Variants in NAPB observed in about 807,000 individuals in gnomAD.
NAPB encodes the protein NSF attachment protein beta.
Under a neutral mutation model 44.7 loss-of-function variants are expected in NAPB, and 26 were observed. The ratio of observed to expected loss-of-function variants is 0.58; its 90% CI spans 0.43 to 0.81. The LOEUF is 0.81. Ranked by LOEUF, NAPB falls within the 30% of genes least tolerant of loss-of-function variation. The pLI is 0.00. For synonymous variants in NAPB, 120 were observed against 116.8 expected, an observed-to-expected ratio of 1.03 and a Z score of -0.18; for missense variants, 315 against 356.4, an observed-to-expected ratio of 0.88 and a Z score of 0.94.
At chr20:23,397,822 G>A (rs2281433) in intron 2 of NAPB, among the ~76,000 whole-genome samples, 5,652 of 152,274 alleles carry the variant, frequency 0.037, 179 homozygotes, top group South Asian at 0.085. Context: ...AAATTTCCCT[G>A]CAGAATCACT....
intron 1 of NAPB, among the ~76,000 whole-genome samples, chr20:23,420,859 T>C (rs1305812153): frequency 6.7e-6 from 1 of 149,836 alleles, no homozygotes; most frequent in Admixed American, 6.6e-5. Context: ...TGGGGAGCTC[T>C]GGGGGTCCTA....
chr20:23,420,519 C>T (rs1160444940), intron 1 of NAPB, among the ~76,000 whole-genome samples: 3 of 152,060 alleles, frequency 2.0e-5, no homozygotes, highest in Non-Finnish European at 4.4e-5. Flanking sequence ...GGCGGGACGC[C>T]CCCAGGTGCG....
intron 1 of NAPB, among the ~76,000 whole-genome samples, chr20:23,418,400 G>A (rs1226573888): frequency 6.6e-6 from 1 of 152,122 alleles, no homozygotes; most frequent in East Asian, 1.9e-4. Flanking sequence ...CCATCTATAA[G>A]GTAGGATTCT....
At chr20:23,393,903 A>C (rs1029444981) in intron 5 of NAPB, among the ~76,000 whole-genome samples, 1 of 152,224 alleles carries the variant, frequency 6.6e-6, no homozygotes, top group African/African-American at 2.4e-5. Flanking sequence ...GAAATCGTGG[A>C]TACAAAGGTC....
intron 4 of NAPB, 37 bp from the exon 5 acceptor site, chr20:23,395,036 T>C (rs1447297518): frequency 1.9e-6 from 3 of 1,613,278 alleles, no homozygotes; most frequent in Non-Finnish European, 1.7e-6. Flanking sequence ...CACACCGATT[T>C]TACCTATCTG....
In NAPB at chr20:23,398,820, G is replaced by C. The variant is rs530564419; in HGVS notation, c.179-1632C>G. Reference sequence around the variant, plus strand: ...GACTGTGTCACTGCACTCCAGCCTGGGTGACAGAGCAAGACTCTTGTCTCA... The same window carrying C: ...GACTGTGTCACTGCACTCCAGCCTGCGTGACAGAGCAAGACTCTTGTCTCA... On this transcript the variant is annotated intron_variant, in intron 2 of 10. Transcript: ENST00000377026. 2.0e-5 allele frequency among the ~76,000 whole-genome samples: 3 copies of C among 150,962 alleles called. No individual in the cohort carries two copies. The South Asian group carries it at 6.3e-4, about 32-fold the overall frequency.
At position 23,421,479 on chromosome 20, in the gene NAPB, C is replaced by G; in HGVS notation, c.-77G>C. On this transcript the variant is annotated 5_prime_UTR_variant, in exon 1 of 11. Transcript: ENST00000377026. ...GGCGCCTTAACCCTCCCTCTGGCGG[C>G]CGCAGGGACGCAGGCGCAGGCGCGA... The G allele has an allele frequency of 7.4e-7, 1 of 1,343,364 alleles. No individual in the cohort carries two copies. The highest frequency in any genetic ancestry group is 2.5e-4 in the Middle Eastern group (1 of 3,932). 83.2% of individuals were successfully genotyped at this position (1,343,364 alleles called of 1,614,324 possible).
chr20:23,383,128 G>A (rs111505155), intron 7 of NAPB, among the ~76,000 whole-genome samples: 11,097 of 139,164 alleles, frequency 0.08, 1,014 homozygotes, highest in African/African-American at 0.23. Context: ...AAACTGGCAC[G>A]CCTGGGCGAC....
intron 7 of NAPB, among the ~76,000 whole-genome samples, chr20:23,383,538 T>C (rs186132429): frequency 1.3e-5 from 2 of 152,126 alleles, no homozygotes; most frequent in Non-Finnish European, 2.9e-5. Context: ...AGCCATAAAG[T>C]GCACATTTTT....
intron 1 of NAPB, among the ~76,000 whole-genome samples, chr20:23,420,398 A>C (rs1986299044): frequency 6.6e-6 from 1 of 151,962 alleles, no homozygotes; most frequent in Non-Finnish European, 1.5e-5. Context: ...TTCATTAGTC[A>C]AGTATTTACT....
chr20:23,408,968 C>G (rs919178791), intron 1 of NAPB, among the ~76,000 whole-genome samples: 1 of 152,186 alleles, frequency 6.6e-6, no homozygotes, highest in African/African-American at 2.4e-5. Flanking sequence ...ATTCTTACAG[C>G]AAAAGGCAGC....
intron 1 of NAPB, among the ~76,000 whole-genome samples, chr20:23,403,655 G>A (rs1390002272): frequency 1.3e-5 from 2 of 150,906 alleles, no homozygotes; most frequent in African/African-American, 4.9e-5. Context: ...AACCAGAGGT[G>A]TTACAAACTG....
chr20:23,399,512 C>T (rs1984667767), intron 2 of NAPB, among the ~76,000 whole-genome samples: 1 of 152,202 alleles, frequency 6.6e-6, no homozygotes, highest in Non-Finnish European at 1.5e-5. Flanking sequence ...GAACTCTGAA[C>T]AATACGTTCA....
At chr20:23,393,825 C>T (rs1984151799) in intron 5 of NAPB, among the ~76,000 whole-genome samples, 1 of 152,112 alleles carries the variant, frequency 6.6e-6, no homozygotes, top group South Asian at 2.1e-4. Context: ...GGGAAGTTAG[C>T]CATGTGGACT....
chr20:23,381,422 T>G, intron 7 of NAPB, 105 bp from the exon 8 acceptor site: 1 of 659,388 alleles, frequency 1.5e-6, no homozygotes. Flanking sequence ...ATCTTATGTT[T>G]GTTTAGCTAT....
rs1360331605 is a variant in NAPB at position 23,375,346 on chromosome 20, T to C, written c.*2030A>G. ...GTATAATGATGAAAGCTAAACATAATTGCCCGAAAATAAATCATGTAGTTT... is the reference window on the plus strand; with the variant it reads ...GTATAATGATGAAAGCTAAACATAACTGCCCGAAAATAAATCATGTAGTTT... On this transcript the variant is annotated 3_prime_UTR_variant, in exon 11 of 11. Transcript: ENST00000377026. 1.3e-5 allele frequency: 2 copies of C among 152,122 alleles called. No homozygotes were observed. The highest frequency in any genetic ancestry group is 2.4e-5 in the African/African-American group (1 of 41,406). The allele number at this position is 152,122 out of a possible 1,614,324, so 9.4% of individuals were successfully genotyped here.
At chr20:23,407,734 TC>T (rs111696046) in intron 1 of NAPB, among the ~76,000 whole-genome samples, 12,072 of 152,016 alleles carry the variant, frequency 0.079, 1,117 homozygotes, top group African/African-American at 0.22. Context: ...GCCAGAAGGG[TC>T]TGAGAAAAAG....
chr20:23,386,224 C>T (rs1345395765), intron 7 of NAPB, among the ~76,000 whole-genome samples: 1 of 152,000 alleles, frequency 6.6e-6, no homozygotes, highest in African/African-American at 2.4e-5. Context: ...AGATGAAAAT[C>T]AGCAAGCTAA....
chr20:23,389,231 T>TAAAAAAAAAAAA (rs71330886), intron 7 of NAPB, among the ~76,000 whole-genome samples: 2 of 115,402 alleles, frequency 1.7e-5, no homozygotes, highest in East Asian at 2.4e-4. Flanking sequence ...GACTATTATT[T>TAAAAAAAAAAAA]AAAAAAAAAA....
Sources: gnomAD v4.1 joint callset for allele counts (sites outside exome capture counted in the v4.1 genomes callset) on GRCh38, gnomAD v4.1.1 for gene constraint, MANE v1.5 for transcripts, NCBI Gene and HGNC (gene_info 2026-07-23, HGNC 2026-07-21) for gene names.